ABLIM1: variants seen among roughly 807,000 people sequenced by gnomAD.
ABLIM1 encodes actin binding LIM protein 1, also known as actin-binding LIM protein 1.
ABLIM1 carries 40 observed loss-of-function variants against 107.0 expected under a neutral mutation model. That is an observed-to-expected ratio of 0.37 (90% CI 0.29 to 0.49). ABLIM1 has a LOEUF of 0.49. Among genes scored for constraint, ABLIM1 ranks in the 20% least tolerant of loss-of-function variants. The pLI is 0.97. For missense variants in ABLIM1, 857 were observed against 1,008.5 expected (o/e 0.85, Z 2.04); for synonymous variants, 357 against 357.3 (o/e 1.00, Z 0.01).
At chr10:114,652,435 C>T (rs17092220) in intron 1 of ABLIM1, among the ~76,000 whole-genome samples, 12,448 of 152,280 alleles carry the variant, frequency 0.082, 992 homozygotes, top group East Asian at 0.45. Flanking sequence ...GGTTCTCTCA[C>T]TTACGTGATA....
rs532263344 is a variant in ABLIM1 at position 114,664,437 on chromosome 10, G to A, written c.64+19853C>T. Reference sequence around the variant, plus strand: ...ACCATGCCACTGTATCGTTACAGCAGTAAAAGTTTGGGGGTTTGGCTTAGA... The same window carrying A: ...ACCATGCCACTGTATCGTTACAGCAATAAAAGTTTGGGGGTTTGGCTTAGA... On this transcript the variant is annotated intron_variant, in intron 1 of 23. Coordinates refer to the ABLIM1 transcript ENST00000369256. Among the ~76,000 whole-genome samples, 6 of 152,296 alleles carry A rather than the reference G, an allele frequency of 3.9e-5. No homozygotes were observed. In the East Asian group the frequency reaches 1.2e-3, roughly 29 times the overall value.
At chr10:114,530,874 A>G (rs572675171) in intron 6 of ABLIM1, among the ~76,000 whole-genome samples, 1 of 152,374 alleles carries the variant, frequency 6.6e-6, no homozygotes, top group South Asian at 2.1e-4. Context: ...GTTTAGGCCT[A>G]AAGAGTATGT....
intron 1 of ABLIM1, among the ~76,000 whole-genome samples, chr10:114,708,492 G>GTAGA (rs147730285): frequency 0.034 from 5,120 of 152,226 alleles, 99 homozygotes; most frequent in Middle Eastern, 0.11. Context: ...GTAACTGGAG[G>GTAGA]TAGACATGAC....
intron 1 of ABLIM1, among the ~76,000 whole-genome samples, chr10:114,709,596 AATAAAAG>A (rs1420210191): frequency 6.6e-6 from 1 of 152,220 alleles, no homozygotes; most frequent in Non-Finnish European, 1.5e-5. Context: ...AGCTACCAAA[AATAAAAG>A]ATAAATTTCA....
chr10:114,567,322 A>G (rs2070900174), intron 4 of ABLIM1, among the ~76,000 whole-genome samples: 1 of 152,222 alleles, frequency 6.6e-6, no homozygotes, highest in African/African-American at 2.4e-5. Context: ...TCTATGGAAC[A>G]TTGGGCAAAT....
chr10:114,670,587 G>A (rs780342075), intron 1 of ABLIM1, among the ~76,000 whole-genome samples: 4 of 152,214 alleles, frequency 2.6e-5, no homozygotes, highest in African/African-American at 7.2e-5. Context: ...TCCGACTCCC[G>A]GCTCAAGAAA....
At chr10:114,718,099 G>GGAAGGA (rs1489099721) in intron 1 of ABLIM1, among the ~76,000 whole-genome samples, 2 of 30,874 alleles carry the variant, frequency 6.5e-5, no homozygotes, top group African/African-American at 1.8e-4. Flanking sequence ...GGAAGGAAAA[G>GGAAGGA]AAAAAGAAAA....
intron 1 of ABLIM1, among the ~76,000 whole-genome samples, chr10:114,715,951 G>C (rs1340124837): frequency 6.6e-6 from 1 of 152,174 alleles, no homozygotes; most frequent in African/African-American, 2.4e-5. Context: ...TTTGTCCTAA[G>C]AGTTAGGGAC....
At chr10:114,656,868 G>C (rs1351683959) in intron 1 of ABLIM1, among the ~76,000 whole-genome samples, 1 of 152,192 alleles carries the variant, frequency 6.6e-6, no homozygotes, top group African/African-American at 2.4e-5. Context: ...ATCCAGAATA[G>C]GGAAATCTAA....
At chr10:114,464,992 A>G (rs2064839052) in intron 12 of ABLIM1, among the ~76,000 whole-genome samples, 1 of 152,218 alleles carries the variant, frequency 6.6e-6, no homozygotes, top group Non-Finnish European at 1.5e-5. Context: ...ACTAGTAGCT[A>G]CAGAGACTAA....
At chr10:114,680,390 C>T (rs188437730) in intron 1 of ABLIM1, among the ~76,000 whole-genome samples, 3 of 152,338 alleles carry the variant, frequency 2.0e-5, no homozygotes, top group Middle Eastern at 3.4e-3. Flanking sequence ...AGCTCAAGCA[C>T]TTCACCAGTG....
intron 7 of ABLIM1, among the ~76,000 whole-genome samples, chr10:114,490,232 C>T (rs1373365489): frequency 6.6e-6 from 1 of 152,204 alleles, no homozygotes; most frequent in Admixed American, 6.5e-5. Context: ...GCCACAGATG[C>T]GGGTGCTTGT....
intron 1 of ABLIM1, among the ~76,000 whole-genome samples, chr10:114,743,882 T>C (rs1192983428): frequency 6.6e-6 from 1 of 152,196 alleles, no homozygotes; most frequent in African/African-American, 2.4e-5. Flanking sequence ...AAAAGCTGCC[T>C]TCTGGAGGGA....
At chr10:114,760,484 C>G (rs2082723280) in intron 1 of ABLIM1, among the ~76,000 whole-genome samples, 1 of 150,428 alleles carries the variant, frequency 6.6e-6, no homozygotes, top group South Asian at 2.1e-4. Flanking sequence ...AAGAACTGAT[C>G]TAAGGATTGA....
intron 1 of ABLIM1, among the ~76,000 whole-genome samples, chr10:114,704,981 A>C (rs2081391016): frequency 6.6e-6 from 1 of 152,190 alleles, no homozygotes; most frequent in African/African-American, 2.4e-5. Flanking sequence ...CCAAATTTCC[A>C]AACCCATGGC....
chr10:114,455,470 C>G (rs371347138), intron 12 of ABLIM1, among the ~76,000 whole-genome samples: 1 of 151,934 alleles, frequency 6.6e-6, no homozygotes, highest in East Asian at 1.9e-4. Context: ...TAGTTCCTAT[C>G]GGGAAAAAAT....
At chr10:114,443,283 G>A (rs1040954633) in intron 17 of ABLIM1, among the ~76,000 whole-genome samples, 5 of 151,598 alleles carry the variant, frequency 3.3e-5, no homozygotes, top group Non-Finnish European at 5.9e-5. Context: ...CAAAAACACT[G>A]TTCATCCTCA....
intron 1 of ABLIM1, among the ~76,000 whole-genome samples, chr10:114,674,701 T>G (rs2141447671): frequency 6.6e-6 from 1 of 151,222 alleles, no homozygotes; most frequent in South Asian, 2.1e-4. Flanking sequence ...TCTTAATAAT[T>G]GTTATTCTTT....
In ABLIM1 at chr10:114,541,909, CACA is replaced by C. The variant is rs2066706872; in HGVS notation, c.894+3093_894+3095del. ...AATCTGAAGGGAATCAACACACACA[CACA>C]CACACACACACTCACACACTCAGAC... is the stretch of plus-strand genomic sequence containing the variant. On this transcript the variant is annotated intron_variant, in intron 6 of 22. Transcript: ENST00000533213. 7.9e-5 allele frequency among the ~76,000 whole-genome samples: 12 copies of C among 151,990 alleles called. No homozygotes were observed. In the East Asian group the frequency reaches 2.3e-3, roughly 29 times the overall value.
Sources: gnomAD v4.1 joint callset for allele counts (sites outside exome capture counted in the v4.1 genomes callset) on GRCh38, gnomAD v4.1.1 for gene constraint, MANE v1.5 for transcripts, NCBI Gene and HGNC (gene_info 2026-07-23, HGNC 2026-07-21) for gene names.